The following SELENOO variants were observed in gnomAD, a reference collection of about 807,000 sequenced individuals.
The protein encoded by SELENOO is protein adenylyltransferase SelO, mitochondrial.
A neutral mutation model predicts 58.7 loss-of-function variants in SELENOO; 74 were observed. The ratio of observed to expected loss-of-function variants is 1.26; its 90% CI spans 1.04 to 1.53. SELENOO has a LOEUF of 1.53. Ranked by LOEUF, SELENOO falls within the 40% of genes most tolerant of loss-of-function variation. The pLI is 0.00. For missense variants in SELENOO, 1,149 were observed against 970.0 expected (o/e 1.18, Z -2.45); for synonymous variants, 543 against 453.2 (o/e 1.20, Z -2.52).
chr22:50,201,026 C>A lies in SELENOO; in HGVS notation c.-11C>A. 8.0e-7 allele frequency: 1 copy of A among 1,248,558 alleles called. No homozygotes were observed. The highest frequency in any genetic ancestry group is 2.9e-5 in the South Asian group (1 of 34,782). The allele number at this position is 1,248,558 out of a possible 1,614,324, so 77.3% of individuals were successfully genotyped here. A position where few individuals can be genotyped will look rare whatever the true frequency, so the allele number is the denominator to read the frequency against. On this transcript the variant is annotated 5_prime_UTR_variant, in exon 1 of 9. Coordinates refer to ENST00000380903, the MANE Select transcript of SELENOO (RefSeq NM_031454.2). ...GGGGCAGGCTGGCTTCCGGCGGGAG[C>A]GGGGCCGCGGATGGCCGTATACAGG...
intron 5 of SELENOO, among the ~76,000 whole-genome samples, chr22:50,213,671 G>T (rs569869334): frequency 6.6e-6 from 1 of 151,994 alleles, no homozygotes; most frequent in Non-Finnish European, 1.5e-5. Flanking sequence ...TTTTTGAGAC[G>T]GAGTCTTGCT....
chr22:50,206,327 G>C lies in SELENOO; in HGVS notation c.565G>C (p.Gly189Arg). The C allele has an allele frequency of 6.2e-7, 1 of 1,613,718 alleles. No homozygotes were observed. Among genetic ancestry groups the C allele is most frequent in the Non-Finnish European group, 8.5e-7 (1 of 1,179,966 alleles). Residue 189 changes from glycine to arginine, a missense_variant, in exon 2 of 9, where the codon GGT becomes CGT. Physicochemically the swap from Gly to Arg is moderately radical, Grantham distance 125. Transcript: ENST00000380903. The stretch of plus-strand genomic sequence containing the variant: ...TGTGTTTGGTTTCAGACAGGCCGAC[G>C]GTCGCAAGGTCCTACGGTCAAGCAT... ...GPTPFSRQAD[G>R]RKVLRSSIRE... is the part of the protein sequence containing the mutation.
intron 1 of SELENOO, among the ~76,000 whole-genome samples, chr22:50,205,259 G>T (rs150942078): frequency 3.3e-5 from 5 of 152,198 alleles, no homozygotes; most frequent in Middle Eastern, 3.4e-3. Context: ...CATTATGAAC[G>T]TATTTAATAG....
Position 50,217,304 on chromosome 22 carries a change from C to T in SELENOO, c.1945C>T (p.Gln649Ter). ...GGAAGCCGACGGGGCGGACGGCAGG[C>T]AGCGCTCCTACAGCAGTAAGCCCCC... ...ATEADGADGR[Q>*]RSYSSKPPLW... Residue 649 changes from glutamine to a stop codon, truncating the protein, a stop_gained, in exon 9 of 9, where the codon CAG becomes TAG. Transcript: ENST00000380903. LOFTEE classifies it high-confidence loss of function. 4 of 1,612,800 alleles carry T rather than the reference C, an allele frequency of 2.5e-6. No homozygotes were observed. The highest frequency in any genetic ancestry group is 3.4e-6 in the Non-Finnish European group (4 of 1,179,898).
intron 1 of SELENOO, among the ~76,000 whole-genome samples, chr22:50,203,418 T>C (rs1345269354): frequency 1.3e-5 from 2 of 152,128 alleles, no homozygotes; most frequent in African/African-American, 4.8e-5. Flanking sequence ...GGACCCTGAA[T>C]GGACAAAACA....
intron 3 of SELENOO, 84 bp from the exon 4 acceptor site, chr22:50,210,097 G>C: frequency 6.6e-7 from 1 of 1,525,132 alleles, no homozygotes; most frequent in Non-Finnish European, 8.9e-7. Context: ...AGCACAGCCG[G>C]TTTCAGGGAG....
intron 1 of SELENOO, among the ~76,000 whole-genome samples, chr22:50,202,293 C>G (rs1436062549): frequency 1.3e-5 from 2 of 152,186 alleles, no homozygotes; most frequent in African/African-American, 2.4e-5. Context: ...CATCACCTCC[C>G]CCTCCAGCAC....
chr22:50,215,267 A>C (rs1320011307), intron 5 of SELENOO, among the ~76,000 whole-genome samples: 1 of 152,138 alleles, frequency 6.6e-6, no homozygotes, highest in Non-Finnish European at 1.5e-5. Flanking sequence ...GCCGGGCAGC[A>C]GCCTCTGCCT....
At chr22:50,216,646 G>A (rs1213159514) in intron 6 of SELENOO, 45 bp from the exon 7 acceptor site, 3 of 1,519,540 alleles carry the variant, frequency 2.0e-6, no homozygotes, top group Non-Finnish European at 2.7e-6. Context: ...GCAGGGCAGG[G>A]ACACGGTCAG....
intron 1 of SELENOO, among the ~76,000 whole-genome samples, chr22:50,205,221 G>T (rs1046027921): frequency 1.4e-4 from 21 of 152,234 alleles, no homozygotes; most frequent in African/African-American, 5.1e-4. Flanking sequence ...CAGATTTCTG[G>T]ACATGGATGG....
rs2064432545 is a variant in SELENOO, at chr22:50,217,538, G to T, written c.*169G>T. 9.7e-7 allele frequency: 1 copy of T among 1,030,352 alleles called. No individual in the cohort carries two copies. The highest frequency in any genetic ancestry group is 1.4e-6 in the Non-Finnish European group (1 of 716,652). The allele number at this position is 1,030,352 out of a possible 1,614,324, so 63.8% of individuals were successfully genotyped here. ...TCCAGTCAGGACCTGACCCGTCTCTGTCTGAGGCCGGCTCAGCAGTGCAGC... is the reference window on the plus strand; with the variant it reads ...TCCAGTCAGGACCTGACCCGTCTCTTTCTGAGGCCGGCTCAGCAGTGCAGC... On this transcript the variant is annotated 3_prime_UTR_variant, in exon 9 of 9. Transcript: ENST00000380903.
intron 5 of SELENOO, among the ~76,000 whole-genome samples, chr22:50,215,355 C>T (rs1602496275): frequency 6.6e-6 from 1 of 151,800 alleles, no homozygotes; most frequent in Admixed American, 6.6e-5. Context: ...TGGGTGGAGG[C>T]TGAGGAGTGG....
At chr22:50,206,012 G>A (rs2064330510) in intron 1 of SELENOO, 3 of 451,942 alleles carry the variant, frequency 6.6e-6, no homozygotes, top group South Asian at 2.2e-5. Context: ...TCCCCACTGT[G>A]CAGTCACACA....
chr22:50,217,527 G>GT lies in SELENOO; in HGVS notation c.*158_*159insT. 1 of 1,076,082 alleles carries GT rather than the reference G, an allele frequency of 9.3e-7. No homozygotes were observed. The highest frequency in any genetic ancestry group is 1.6e-5 in the South Asian group (1 of 64,262). 66.7% of individuals were successfully genotyped at this position (1,076,082 alleles called of 1,614,324 possible). ...TGGCAGAGACATCCAGTCAGGACCT[G>GT]ACCCGTCTCTGTCTGAGGCCGGCTC... On this transcript the variant is annotated 3_prime_UTR_variant, in exon 9 of 9. Coordinates refer to ENST00000380903, the MANE Select transcript of SELENOO (RefSeq NM_031454.2).
Position 50,201,351 on chromosome 22 carries a change from G to C in SELENOO, c.315G>C (p.Leu105Phe). The C allele has an allele frequency of 1.7e-6, 2 of 1,187,150 alleles. No homozygotes were observed. Among genetic ancestry groups the C allele is most frequent in the South Asian group, 7.6e-5 (2 of 26,446 alleles). 73.5% of individuals were successfully genotyped at this position (1,187,150 alleles called of 1,614,324 possible). ...LVALSEPALA[L>F]LGLGAPPARE... ...CGCTGTCAGAGCCCGCGCTGGCGTT[G>C]CTGGGCCTGGGCGCGCCGCCCGCGC... Residue 105 changes from leucine to phenylalanine, a missense_variant, in exon 1 of 9, where the codon TTG (leucine) becomes TTC (phenylalanine). Physicochemically the swap from Leu to Phe is conservative, Grantham distance 22. Transcript: ENST00000380903.
intron 1 of SELENOO, 145 bp downstream of exon 1, chr22:50,201,735 G>A (rs1203041643): frequency 3.9e-6 from 2 of 516,012 alleles, no homozygotes; most frequent in Admixed American, 4.6e-5. Flanking sequence ...GCTGGCAGCC[G>A]CCCGCGCCCT....
intron 4 of SELENOO, 76 bp downstream of exon 4, chr22:50,210,387 C>A: frequency 6.5e-7 from 1 of 1,548,246 alleles, no homozygotes. Flanking sequence ...CTGCTGCCCC[C>A]AGGCACTGGC....
intron 5 of SELENOO, among the ~76,000 whole-genome samples, chr22:50,215,053 T>C (rs1052810529): frequency 6.6e-6 from 1 of 152,230 alleles, no homozygotes; most frequent in Non-Finnish European, 1.5e-5. Flanking sequence ...TAGTCGACTT[T>C]TTTGCAGTAC....
At chr22:50,202,052 G>A (rs1368249342) in intron 1 of SELENOO, among the ~76,000 whole-genome samples, 1 of 152,176 alleles carries the variant, frequency 6.6e-6, no homozygotes, top group Admixed American at 6.5e-5. Context: ...GCACACAGGT[G>A]GTCTAATAAG....
Sources: allele counts gnomAD v4.1 joint callset (sites outside exome capture counted in the v4.1 genomes callset), GRCh38; gene constraint gnomAD v4.1.1; transcripts MANE v1.5; gene names NCBI Gene and HGNC (gene_info 2026-07-23, HGNC 2026-07-21).